INO80C: variants seen among roughly 807,000 people sequenced by gnomAD.
INO80C encodes the protein IES6 homolog.
INO80C carries 17 observed loss-of-function variants against 17.7 expected under a neutral mutation model. That is an observed-to-expected ratio of 0.96 (90% CI 0.66 to 1.44). INO80C has a LOEUF of 1.44. Ranked by LOEUF, INO80C falls within the 40% of genes most tolerant of loss-of-function variation. The probability of loss-of-function intolerance (pLI) is 0.00; values close to 1 mark genes in which losing one functional copy is unlikely to be tolerated. For missense variants in INO80C, 244 were observed against 245.0 expected (o/e 1.00, Z 0.03); for synonymous variants, 96 against 95.8 (o/e 1.00, Z -0.01).
At chr18:35,484,718 G>A (rs1040910315) in intron 1 of INO80C, among the ~76,000 whole-genome samples, 7 of 152,174 alleles carry the variant, frequency 4.6e-5, no homozygotes, top group Non-Finnish European at 1.0e-4. Flanking sequence ...TCAGGGACTT[G>A]AGGTTCCATG....
chr18:35,494,144 G>C (rs1488795400), intron 1 of INO80C, among the ~76,000 whole-genome samples: 1 of 152,116 alleles, frequency 6.6e-6, no homozygotes, highest in Non-Finnish European at 1.5e-5. Context: ...CACCACAATA[G>C]GGCACCAACA....
chr18:35,468,374 C>T lies in INO80C; in HGVS notation c.*237G>A, dbSNP rs932505179. On this transcript the variant is annotated 3_prime_UTR_variant, in exon 5 of 5. Coordinates refer to ENST00000334598, the MANE Select transcript of INO80C (RefSeq NM_194281.4). ...TTTTATTGTATCTTCTTGTCAAACA[C>T]CTTTACTTGAGGCAACAACTGAAGT... 2 of 1,358,378 alleles carry T rather than the reference C, an allele frequency of 1.5e-6. No homozygotes were observed. Among genetic ancestry groups the T allele is most frequent in the Non-Finnish European group, 1.9e-6 (2 of 1,053,970 alleles). 84.1% of individuals were successfully genotyped at this position (1,358,378 alleles called of 1,614,324 possible).
At position 35,468,477 on chromosome 18, in the gene INO80C, C is replaced by T; in HGVS notation, c.*134G>A. The stretch of plus-strand genomic sequence containing the variant: ...AAAAAAAAAAACCCTTAAATTAAAG[C>T]CAAACATTCTTTCCAAGGCACAGCA... On this transcript the variant is annotated 3_prime_UTR_variant, in exon 5 of 5. Transcript: ENST00000334598. The T allele has an allele frequency of 3.4e-6, 5 of 1,488,478 alleles. No homozygotes were observed. Among genetic ancestry groups the T allele is most frequent in the Admixed American group, 2.3e-5 (1 of 43,812 alleles). 92.2% of individuals were successfully genotyped at this position (1,488,478 alleles called of 1,614,324 possible).
intron 2 of INO80C, 143 bp downstream of exon 2, chr18:35,480,310 C>T (rs1262820139): frequency 2.0e-5 from 13 of 653,138 alleles, no homozygotes; most frequent in Non-Finnish European, 3.1e-5. Context: ...TCTCTTGTCC[C>T]CATCTTGCCC....
chr18:35,488,365 G>A (rs540377308), intron 1 of INO80C, among the ~76,000 whole-genome samples: 105 of 152,240 alleles, frequency 6.9e-4, no homozygotes, highest in Non-Finnish European at 1.2e-3. Flanking sequence ...TACATCCTCT[G>A]AAATGTAGGT....
At chr18:35,492,219 A>G (rs565472414) in intron 1 of INO80C, among the ~76,000 whole-genome samples, 89 of 152,388 alleles carry the variant, frequency 5.8e-4, no homozygotes, top group Non-Finnish European at 1.0e-3. Flanking sequence ...TAAAACTGCA[A>G]GGTTACTATA....
chr18:35,497,858 G>A lies in INO80C; in HGVS notation c.17C>T (p.Pro6Leu). The A allele has an allele frequency of 6.3e-7, 1 of 1,578,588 alleles. No homozygotes were observed. The highest frequency in any genetic ancestry group is 1.4e-5 in the African/African-American group (1 of 72,630). The stretch of plus-strand genomic sequence containing the variant: ...GGGAGTGGAAGTGGTGGCCACAATT[G>A]GAATTTGCGCCGCCATCGCACTCCG... MAAQIPIVATTSTPGI... is the reference protein window; with the variant it reads MAAQILIVATTSTPGI... Residue 6 changes from proline (P) to leucine (L), a missense_variant, in exon 1 of 5, where the codon CCA becomes CTA. Transcript: ENST00000334598.
In INO80C at chr18:35,470,027, G is replaced by A. The variant is rs77302149; in HGVS notation, c.448-1285C>T. Among the ~76,000 whole-genome samples the A allele has an allele frequency of 3.6e-3, 551 of 152,326 alleles. 2 individuals are homozygous for A. The highest frequency in any genetic ancestry group is 0.012 in the African/African-American group (518 of 41,560). On this transcript the variant is annotated intron_variant, in intron 4 of 4. Coordinates refer to ENST00000334598, the MANE Select transcript of INO80C (RefSeq NM_194281.4). Reference sequence around the variant, plus strand: ...CTACGGATTTTGAAACAAAAGACATGAGGGTGAGTCATTTTGAGCTCCTTT... The same window carrying A: ...CTACGGATTTTGAAACAAAAGACATAAGGGTGAGTCATTTTGAGCTCCTTT...
In INO80C at chr18:35,468,616, G is replaced by A. The variant is rs1231411525; in HGVS notation, c.574C>T (p.Pro192Ser). 2.5e-6 allele frequency: 4 copies of A among 1,614,088 alleles called. No homozygotes were observed. The highest frequency in any genetic ancestry group is 3.4e-6 in the Non-Finnish European group (4 of 1,179,996). Residue 192 changes from proline to serine, a missense_variant, in exon 5 of 5, where the codon CCC becomes TCC. Pro to Ser is a moderately conservative substitution (Grantham distance 74). Coordinates refer to ENST00000334598, the MANE Select transcript of INO80C (RefSeq NM_194281.4). ...LALRKATSIVP is the reference protein window; with the variant it reads ...LALRKATSIVS ...TTCATCTCCCTTTCTGGGGCTCAGG[G>A]AACGATGCTCGTGGCCTTCCTCAGG...
Position 35,468,506 on chromosome 18 carries a change from G to A in INO80C, c.*105C>T, listed in dbSNP as rs2045629179. The A allele has an allele frequency of 1.3e-6, 2 of 1,574,156 alleles. No homozygotes were observed. Among genetic ancestry groups the A allele is most frequent in the Middle Eastern group, 2.2e-4 (1 of 4,646 alleles). On this transcript the variant is annotated 3_prime_UTR_variant, in exon 5 of 5. Coordinates refer to ENST00000334598, the MANE Select transcript of INO80C (RefSeq NM_194281.4). ...ACATTCTTTCCAAGGCACAGCACTGGCATTTTCAGATTGACAGCAGAACGA... is the reference window on the plus strand; with the variant it reads ...ACATTCTTTCCAAGGCACAGCACTGACATTTTCAGATTGACAGCAGAACGA...
rs115245059 is a variant in INO80C at position 35,493,187 on chromosome 18, T to C, written c.156+4532A>G. Among the ~76,000 whole-genome samples, 1,102 of 151,796 alleles carry C rather than the reference T, an allele frequency of 7.3e-3. 15 individuals are homozygous for C. Among genetic ancestry groups the C allele is most frequent in the African/African-American group, 0.025 (1,034 of 41,440 alleles). ...GGGTCGTTTGGAGAATTAAATGACA[T>C]AGTACTTAGAAAGTACATAGAACAG... is the stretch of plus-strand genomic sequence containing the variant. On this transcript the variant is annotated intron_variant, in intron 1 of 4. Coordinates refer to ENST00000334598, the MANE Select transcript of INO80C (RefSeq NM_194281.4).
chr18:35,479,976 A>G (rs975427968), intron 2 of INO80C, among the ~76,000 whole-genome samples: 3 of 152,094 alleles, frequency 2.0e-5, no homozygotes, highest in Admixed American at 6.6e-5. Context: ...TTGTATTTCC[A>G]AAACTAATTC....
chr18:35,472,384 G>A (rs1391778299), intron 4 of INO80C, among the ~76,000 whole-genome samples: 1 of 152,022 alleles, frequency 6.6e-6, no homozygotes, highest in African/African-American at 2.4e-5. Flanking sequence ...TGTGTTTTTT[G>A]GCTGCATAAA....
At chr18:35,476,845 A>T (rs575309341) in intron 4 of INO80C, among the ~76,000 whole-genome samples, 1 of 152,334 alleles carries the variant, frequency 6.6e-6, no homozygotes, top group South Asian at 2.1e-4. Flanking sequence ...TAGCCTGGGT[A>T]AAAGAGCAAG....
intron 4 of INO80C, among the ~76,000 whole-genome samples, chr18:35,476,679 A>G (rs2045740961): frequency 6.6e-6 from 1 of 152,318 alleles, no homozygotes; most frequent in Admixed American, 6.5e-5. Context: ...GCCTAAGGAC[A>G]ACAGTTCTTA....
At chr18:35,488,624 G>T (rs1435094146) in intron 1 of INO80C, among the ~76,000 whole-genome samples, 2 of 152,122 alleles carry the variant, frequency 1.3e-5, no homozygotes, top group Non-Finnish European at 2.9e-5. Context: ...TGATGGGAGG[G>T]GCTGCCACAA....
intron 4 of INO80C, among the ~76,000 whole-genome samples, chr18:35,474,244 T>TATATATATAG (rs1163516427): frequency 7.4e-6 from 1 of 134,710 alleles, no homozygotes; most frequent in Non-Finnish European, 1.6e-5. Context: ...TATATATATA[T>TATATATATAG]ACTTAATAAC....
In INO80C at chr18:35,468,561, C is replaced by T. The variant is rs1168652881; in HGVS notation, c.*50G>A. On this transcript the variant is annotated 3_prime_UTR_variant, in exon 5 of 5. Coordinates refer to ENST00000334598, the MANE Select transcript of INO80C (RefSeq NM_194281.4). ...GTTTCCGTGAAACAAAATCATGAGT[C>T]CAGAGTCTGTTTTTGAAACAGCTTT... 1 of 1,613,166 alleles carries T rather than the reference C, an allele frequency of 6.2e-7. No individual in the cohort carries two copies. The highest frequency in any genetic ancestry group is 1.7e-5 in the Admixed American group (1 of 59,992).
At chr18:35,471,860 T>C (rs1261372577) in intron 4 of INO80C, among the ~76,000 whole-genome samples, 2 of 151,884 alleles carry the variant, frequency 1.3e-5, no homozygotes, top group African/African-American at 4.8e-5. Context: ...GTGTTTGGTT[T>C]TTTGTCCTTG....
Sources: gnomAD v4.1 joint callset for allele counts (sites outside exome capture counted in the v4.1 genomes callset) on GRCh38, gnomAD v4.1.1 for gene constraint, MANE v1.5 for transcripts, NCBI Gene and HGNC (gene_info 2026-07-23, HGNC 2026-07-21) for gene names.